Variants in PCDH15 observed in about 807,000 individuals in gnomAD.
The protein encoded by PCDH15 is protocadherin related 15, also known as protocadherin-15.
In PCDH15, 129 loss-of-function variants were observed where a neutral mutation model predicts 178.5. The observed-to-expected ratio is 0.72, with a 90% CI of 0.63 to 0.84. The LOEUF (loss-of-function observed/expected upper bound fraction) is 0.84, where lower values mean the gene tolerates loss of function less well. Among genes scored for constraint, PCDH15 ranks in the 40% least tolerant of loss-of-function variants. PCDH15 has a pLI of 0.00. For synonymous variants in PCDH15, 800 were observed against 732.0 expected, an observed-to-expected ratio of 1.09 and a Z score of -1.50; for missense variants, 2,230 against 2,099.9, an observed-to-expected ratio of 1.06 and a Z score of -1.21.
intron 32 of PCDH15, among the ~76,000 whole-genome samples, chr10:53,820,552 C>T (rs1303712865): frequency 6.6e-6 from 1 of 151,962 alleles, no homozygotes; most frequent in East Asian, 1.9e-4. Context: ...CTTATATCTT[C>T]TAAAATCTTA....
intron 5 of PCDH15, among the ~76,000 whole-genome samples, chr10:54,356,926 T>C (rs187037445): frequency 1.3e-5 from 2 of 152,242 alleles, no homozygotes; most frequent in African/African-American, 4.8e-5. Flanking sequence ...ATTATCTCAA[T>C]AGATGCAGAA....
chr10:54,976,762 T>C (rs1839082378), intron 2 of PCDH15, among the ~76,000 whole-genome samples: 1 of 152,194 alleles, frequency 6.6e-6, no homozygotes, highest in Admixed American at 6.5e-5. Flanking sequence ...CTTAGATTCC[T>C]TGCATAATTC....
At chr10:53,956,738 C>A (rs918784497) in intron 23 of PCDH15, among the ~76,000 whole-genome samples, 2 of 152,026 alleles carry the variant, frequency 1.3e-5, no homozygotes, top group African/African-American at 2.4e-5. Context: ...TAATCAAGGG[C>A]AATTTTGTAA....
At chr10:55,374,539 C>T (rs1045291556) in intron 2 of PCDH15, among the ~76,000 whole-genome samples, 3 of 152,012 alleles carry the variant, frequency 2.0e-5, no homozygotes, top group Admixed American at 6.6e-5. Context: ...AGTAGAATAG[C>T]TTCCCATGAC....
intron 1 of PCDH15, among the ~76,000 whole-genome samples, chr10:54,731,561 TATACAC>T (rs1943374034): frequency 2.1e-5 from 1 of 48,304 alleles, no homozygotes; most frequent in African/African-American, 7.4e-5. Flanking sequence ...TATATATATA[TATACAC>T]ACACACACAC....
At chr10:55,548,804 T>G (rs1434941283) in intron 2 of PCDH15, among the ~76,000 whole-genome samples, 1 of 152,032 alleles carries the variant, frequency 6.6e-6, no homozygotes, top group Non-Finnish European at 1.5e-5. Flanking sequence ...CTGTGAAGTC[T>G]TTGAATAAGA....
At position 55,366,366 on chromosome 10, in the gene PCDH15, A is replaced by G. The variant is rs1845361605; in HGVS notation, c.-155-199715T>C. ...ACTTATTTTTATATTTATTTGTAGA[A>G]AATTATAAATATTATAAACAGTTGT... On this transcript the variant is annotated intron_variant, in intron 2 of 5. Coordinates refer to the PCDH15 transcript ENST00000613346. Among the ~76,000 whole-genome samples, 3 of 152,296 alleles carry G rather than the reference A, an allele frequency of 2.0e-5. No individual in the cohort carries two copies. In the South Asian group the frequency reaches 6.2e-4, roughly 32 times the overall value.
At chr10:54,740,728 T>C (rs1476401798) in intron 1 of PCDH15, among the ~76,000 whole-genome samples, 1 of 151,970 alleles carries the variant, frequency 6.6e-6, no homozygotes, top group African/African-American at 2.4e-5. Context: ...GCAACATGGA[T>C]AGAACTGGAG....
At chr10:55,104,462 T>C (rs1189155705) in intron 2 of PCDH15, among the ~76,000 whole-genome samples, 2 of 152,180 alleles carry the variant, frequency 1.3e-5, no homozygotes, top group African/African-American at 2.4e-5. Flanking sequence ...ATGAGTTTGC[T>C]TTTTTAAAAA....
In PCDH15 at chr10:54,871,218, T is replaced by G. The variant is rs141867558; in HGVS notation, c.-29+26232A>C. Among the ~76,000 whole-genome samples the G allele has an allele frequency of 2.8e-3, 433 of 152,310 alleles. 4 individuals are homozygous for G. Among genetic ancestry groups the G allele is most frequent in the African/African-American group, 0.01 (417 of 41,574 alleles). On this transcript the variant is annotated intron_variant, in intron 3 of 5. Transcript: ENST00000458638. The stretch of plus-strand genomic sequence containing the variant: ...CTGAACAGATTTATCAAAGGCTATA[T>G]GACCAAGGTCTCTGCCTGACAATAA...
At chr10:54,277,006 G>A (rs529107737) in intron 8 of PCDH15, among the ~76,000 whole-genome samples, 6 of 151,668 alleles carry the variant, frequency 4.0e-5, no homozygotes, top group Non-Finnish European at 7.4e-5. Flanking sequence ...AAAATGATCT[G>A]ACTCACAAAC....
chr10:55,376,087 C>A (rs955894935), intron 2 of PCDH15, among the ~76,000 whole-genome samples: 4 of 151,698 alleles, frequency 2.6e-5, no homozygotes, highest in Non-Finnish European at 4.4e-5. Flanking sequence ...TTAATCATAA[C>A]AGAATATATT....
intron 2 of PCDH15, among the ~76,000 whole-genome samples, chr10:54,949,589 T>C (rs999028403): frequency 1.2e-4 from 18 of 152,008 alleles, no homozygotes; most frequent in Non-Finnish European, 2.2e-4. Flanking sequence ...TTATATCGCA[T>C]AGTCAAGATG....
At chr10:55,212,374 C>T (rs1480659579) in intron 1 of PCDH15, among the ~76,000 whole-genome samples, 1 of 152,044 alleles carries the variant, frequency 6.6e-6, no homozygotes, top group Non-Finnish European at 1.5e-5. Flanking sequence ...CAGGACCCCT[C>T]TCTGCAGCAT....
At chr10:55,197,281 C>T (rs1227978509) in intron 1 of PCDH15, among the ~76,000 whole-genome samples, 2 of 151,962 alleles carry the variant, frequency 1.3e-5, no homozygotes, top group African/African-American at 4.8e-5. Context: ...AAAAAAGTAA[C>T]TTGCAATAAC....
chr10:54,509,239 G>A (rs1312165103), intron 3 of PCDH15, among the ~76,000 whole-genome samples: 2 of 151,990 alleles, frequency 1.3e-5, no homozygotes, highest in African/African-American at 4.8e-5. Flanking sequence ...CGTGTTGTGG[G>A]AGGGACCCAG....
At chr10:55,625,662 A>G (rs746107555) in intron 2 of PCDH15, among the ~76,000 whole-genome samples, 1 of 152,176 alleles carries the variant, frequency 6.6e-6, no homozygotes, top group Non-Finnish European at 1.5e-5. Flanking sequence ...TTGGGATTCT[A>G]AAGTCTTTTC....
intron 2 of PCDH15, among the ~76,000 whole-genome samples, chr10:55,419,669 T>C (rs1838571703): frequency 6.6e-6 from 1 of 151,734 alleles, no homozygotes; most frequent in African/African-American, 2.4e-5. Flanking sequence ...ACAGAAATGA[T>C]TTTTTCTTTA....
intron 1 of PCDH15, among the ~76,000 whole-genome samples, chr10:55,199,664 C>A (rs1232219663): frequency 6.6e-6 from 1 of 152,078 alleles, no homozygotes; most frequent in Non-Finnish European, 1.5e-5. Flanking sequence ...CAGCCCCTCC[C>A]ATCACAGACC....
Sources: allele counts gnomAD v4.1 joint callset (sites outside exome capture counted in the v4.1 genomes callset), GRCh38; gene constraint gnomAD v4.1.1; transcripts MANE v1.5; gene names NCBI Gene and HGNC (gene_info 2026-07-23, HGNC 2026-07-21).